LRRC4C: variants seen among roughly 807,000 people sequenced by gnomAD.
The protein encoded by LRRC4C is leucine rich repeat containing 4C.
In LRRC4C, 5 loss-of-function variants were observed where a neutral mutation model predicts 33.6. The observed-to-expected ratio is 0.15, with a 90% CI of 0.08 to 0.31. The LOEUF is 0.31. LRRC4C is among the 10% of genes least tolerant of loss of function. The pLI is 1.00. For missense variants in LRRC4C, 560 were observed against 796.7 expected (o/e 0.70, Z 3.58); for synonymous variants, 329 against 302.0 (o/e 1.09, Z -0.93).
intron 5 of LRRC4C, among the ~76,000 whole-genome samples, chr11:40,150,169 A>G (rs1181216028): frequency 6.6e-6 from 1 of 151,884 alleles, no homozygotes; most frequent in Non-Finnish European, 1.5e-5. Context: ...TCTCTCCTCT[A>G]TGTGTCTCTA....
intron 2 of LRRC4C, among the ~76,000 whole-genome samples, chr11:40,885,744 A>G (rs1417826435): frequency 6.6e-6 from 1 of 152,136 alleles, no homozygotes; most frequent in Admixed American, 6.6e-5. Context: ...GAATGCATCT[A>G]TTTAGTCAGA....
intron 4 of LRRC4C, among the ~76,000 whole-genome samples, chr11:40,242,324 C>T (rs1269350871): frequency 6.6e-6 from 1 of 152,124 alleles, no homozygotes; most frequent in Non-Finnish European, 1.5e-5. Context: ...TACTTATCTT[C>T]CTTTCTTCAT....
chr11:40,269,038 G>C (rs1333424457), intron 4 of LRRC4C, among the ~76,000 whole-genome samples: 1 of 152,124 alleles, frequency 6.6e-6, no homozygotes, highest in Non-Finnish European at 1.5e-5. Context: ...TAAAGCCTCT[G>C]TGTTTTAGAT....
chr11:40,809,782 C>G (rs1230511193), intron 2 of LRRC4C, among the ~76,000 whole-genome samples: 1 of 152,158 alleles, frequency 6.6e-6, no homozygotes, highest in African/African-American at 2.4e-5. Flanking sequence ...AGTGCAGACT[C>G]TCAGTAAATG....
intron 3 of LRRC4C, among the ~76,000 whole-genome samples, chr11:40,511,009 GC>G (rs745688963): frequency 3.3e-5 from 5 of 152,168 alleles, no homozygotes; most frequent in Admixed American, 6.5e-5. Flanking sequence ...GTTTCAGAGG[GC>G]AAAAATAAAA....
intron 2 of LRRC4C, among the ~76,000 whole-genome samples, chr11:40,735,548 C>G (rs1423464180): frequency 6.9e-6 from 1 of 145,608 alleles, no homozygotes; most frequent in South Asian, 2.3e-4. Flanking sequence ...TTTCTTAATC[C>G]AGTCTATCAT....
In LRRC4C at chr11:40,450,286, A is replaced by G. The variant is rs141919573; in HGVS notation, c.-269-130565T>C. Reference sequence around the variant, plus strand: ...TGATGTAAACAGACTTCTAGGCAACATATTTTGTGTTTATGTGTTAAATAG... The same window carrying G: ...TGATGTAAACAGACTTCTAGGCAACGTATTTTGTGTTTATGTGTTAAATAG... On this transcript the variant is annotated intron_variant, in intron 3 of 6. Coordinates refer to ENST00000528697, the MANE Select transcript of LRRC4C (RefSeq NM_001258419.2). 8.5e-4 allele frequency among the ~76,000 whole-genome samples: 129 copies of G among 152,278 alleles called. No individual in the cohort carries two copies. The East Asian group carries it at 0.024, about 29-fold the overall frequency.
intron 2 of LRRC4C, among the ~76,000 whole-genome samples, chr11:40,785,595 A>G (rs1382826691): frequency 6.6e-6 from 1 of 152,192 alleles, no homozygotes; most frequent in Non-Finnish European, 1.5e-5. Flanking sequence ...ATCAGACACT[A>G]TGAACCAATC....
At chr11:40,929,462 A>T (rs895106364) in intron 2 of LRRC4C, among the ~76,000 whole-genome samples, 3 of 152,284 alleles carry the variant, frequency 2.0e-5, no homozygotes, top group South Asian at 4.1e-4. Context: ...AACCTCTAAC[A>T]TTTTTAAACA....
At chr11:41,186,250 A>C (rs541713727) in intron 1 of LRRC4C, among the ~76,000 whole-genome samples, 1 of 152,300 alleles carries the variant, frequency 6.6e-6, no homozygotes, top group South Asian at 2.1e-4. Context: ...TCAGCACAGT[A>C]ATGAAAAGGA....
intron 4 of LRRC4C, among the ~76,000 whole-genome samples, chr11:40,303,290 G>A (rs1175564993): frequency 6.6e-6 from 1 of 152,050 alleles, no homozygotes; most frequent in Non-Finnish European, 1.5e-5. Context: ...TTATTAATTT[G>A]CGTATTTGTT....
chr11:40,423,827 G>C (rs2137772824), intron 3 of LRRC4C, among the ~76,000 whole-genome samples: 1 of 152,254 alleles, frequency 6.6e-6, no homozygotes, highest in African/African-American at 2.4e-5. Flanking sequence ...GTAAAAATCA[G>C]TAAGAGCATT....
chr11:41,121,546 T>C (rs773214605), intron 1 of LRRC4C, among the ~76,000 whole-genome samples: 14 of 152,208 alleles, frequency 9.2e-5, no homozygotes, highest in Admixed American at 5.2e-4. Flanking sequence ...CAATGCCTAG[T>C]ACATCATTAA....
At chr11:40,192,337 G>T (rs577539991) in intron 5 of LRRC4C, among the ~76,000 whole-genome samples, 43 of 152,214 alleles carry the variant, frequency 2.8e-4, no homozygotes, top group African/African-American at 1.0e-3. Context: ...GCAGGGTTGG[G>T]CATCGCCTCA....
intron 3 of LRRC4C, among the ~76,000 whole-genome samples, chr11:40,567,816 G>C (rs1426967749): frequency 2.0e-5 from 3 of 152,182 alleles, no homozygotes; most frequent in Non-Finnish European, 4.4e-5. Flanking sequence ...AATGTCACTG[G>C]AATGAATGAA....
At chr11:40,971,430 T>C (rs907657772) in intron 1 of LRRC4C, among the ~76,000 whole-genome samples, 1 of 152,108 alleles carries the variant, frequency 6.6e-6, no homozygotes, top group African/African-American at 2.4e-5. Flanking sequence ...GTGTTAGGCC[T>C]GGGGGAGGAG....
chr11:41,024,425 T>C (rs749179588), intron 1 of LRRC4C, among the ~76,000 whole-genome samples: 5 of 151,812 alleles, frequency 3.3e-5, no homozygotes, highest in Non-Finnish European at 5.9e-5. Flanking sequence ...GTCAAAATAA[T>C]AAAGTTACTA....
chr11:40,632,408 A>C (rs896721235), intron 3 of LRRC4C, among the ~76,000 whole-genome samples: 1 of 152,204 alleles, frequency 6.6e-6, no homozygotes, highest in Non-Finnish European at 1.5e-5. Flanking sequence ...AGAAGGAAGT[A>C]GATTGATGAT....
intron 1 of LRRC4C, among the ~76,000 whole-genome samples, chr11:40,995,651 A>G (rs530260329): frequency 4.6e-5 from 7 of 152,160 alleles, no homozygotes; most frequent in Non-Finnish European, 8.8e-5. Flanking sequence ...TCTTATATGT[A>G]AGAAAAAAGA....
Sources: allele counts gnomAD v4.1 joint callset (sites outside exome capture counted in the v4.1 genomes callset), GRCh38; gene constraint gnomAD v4.1.1; transcripts MANE v1.5; gene names NCBI Gene and HGNC (gene_info 2026-07-23, HGNC 2026-07-21).